RPL27: variants seen among roughly 807,000 people sequenced by gnomAD.
The protein encoded by RPL27 is large ribosomal subunit protein eL27.
For synonymous variants in RPL27, 77 were observed against 61.0 expected (o/e 1.26, Z -1.22); for missense variants, 131 against 174.3 (o/e 0.75, Z 1.40).
chr17:42,998,735 C>G lies in RPL27; in HGVS notation c.-2-14C>G, dbSNP rs770926450. On this transcript the variant is annotated splice_polypyrimidine_tract_variant and intron_variant, in intron 1 of 4. Coordinates refer to ENST00000253788, the MANE Select transcript of RPL27 (RefSeq NM_000988.5). ...ACGGATTTTTAAGTGGCCCTTTCTC[C>G]TTGCTCTCTGCAGAAATGGGCAAGT... 4 of 1,609,534 alleles carry G rather than the reference C, an allele frequency of 2.5e-6. No individual in the cohort carries two copies. Among genetic ancestry groups the G allele is most frequent in the Non-Finnish European group, 3.4e-6 (4 of 1,176,218 alleles).
At chr17:43,000,599 G>A (rs575622622) in intron 3 of RPL27, among the ~76,000 whole-genome samples, 7 of 146,336 alleles carry the variant, frequency 4.8e-5, no homozygotes, top group Non-Finnish European at 1.1e-4. Flanking sequence ...CACCACACCT[G>A]GCTAATTTTT....
At chr17:42,998,679 G>T in intron 1 of RPL27, 70 bp from the exon 2 acceptor site, 1 of 1,215,768 alleles carries the variant, frequency 8.2e-7, no homozygotes, top group Non-Finnish European at 1.2e-6. Context: ...GGGCTTGCTG[G>T]CAGGAGTCAG....
intron 3 of RPL27, among the ~76,000 whole-genome samples, chr17:43,001,674 G>T (rs1328230734): frequency 6.6e-6 from 1 of 151,680 alleles, no homozygotes; most frequent in Non-Finnish European, 1.5e-5. Context: ...TGGGTGCTGG[G>T]ATGTGGTGGG....
At chr17:43,002,546 G>T in intron 3 of RPL27, 127 bp from the exon 4 acceptor site, 1 of 667,888 alleles carries the variant, frequency 1.5e-6, no homozygotes, top group Non-Finnish European at 2.7e-6. Flanking sequence ...ATGTCATCGG[G>T]ACATGGCTTT....
At position 43,000,620 on chromosome 17, in the gene RPL27, A is replaced by G. The variant is rs1472523587; in HGVS notation, c.251+518A>G. On this transcript the variant is annotated intron_variant, in intron 3 of 4. Coordinates refer to ENST00000253788, the MANE Select transcript of RPL27 (RefSeq NM_000988.5). ...ACCTGGCTAATTTTTTTTTTTTTGT[A>G]TTTTTAGTAGAGACGGGGTTTCACC... is the stretch of plus-strand genomic sequence containing the variant. 9.2e-5 allele frequency among the ~76,000 whole-genome samples: 12 copies of G among 129,964 alleles called. No individual in the cohort carries two copies. In the South Asian group the frequency reaches 2.4e-3, roughly 26 times the overall value. The allele number at this position is 129,964 out of a possible 152,430, so 85.3% of individuals were successfully genotyped here. A position where few individuals can be genotyped will look rare whatever the true frequency, so the allele number is the denominator to read the frequency against.
Position 42,998,792 on chromosome 17 carries a change from G to A in RPL27, c.42G>A (p.Leu14=). 1 of 1,614,002 alleles carries A rather than the reference G, an allele frequency of 6.2e-7. No individual in the cohort carries two copies. The highest frequency in any genetic ancestry group is 8.5e-7 in the Non-Finnish European group (1 of 1,179,940). Residue 14 remains leucine (L), a synonymous_variant, in exon 2 of 5, where the codon CTG becomes CTA. Coordinates refer to ENST00000253788, the MANE Select transcript of RPL27 (RefSeq NM_000988.5). ...AACCTGGGAAGGTGGTGCTTGTCCT[G>A]GCTGGACGCTACTCCGGACGCAAAG... ...FMKPGKVVLV[L]AGRYSGRKAV...
chr17:43,001,384 G>T (rs1034135553), intron 3 of RPL27, among the ~76,000 whole-genome samples: 7 of 152,074 alleles, frequency 4.6e-5, no homozygotes, highest in Non-Finnish European at 8.8e-5. Context: ...CCAGCACTTT[G>T]GGAGGCCGAG....
In RPL27 at chr17:43,000,049, A is replaced by G. The variant is rs1011262801; in HGVS notation, c.198A>G (p.Ser66=). The stretch of plus-strand genomic sequence containing the variant: ...GCAAGAAGAAGATCGCCAAGAGATC[A>G]AAGATAAAATCTTTTGTGAAAGTGT... ...AMGKKKIAKR[S]KIKSFVKVYN... Residue 66 remains serine, a synonymous_variant, in exon 3 of 5, where the codon TCA becomes TCG. Transcript: ENST00000253788. 10 of 1,613,110 alleles carry G rather than the reference A, an allele frequency of 6.2e-6. No individual in the cohort carries two copies. In the African/African-American group the frequency reaches 8.0e-5, roughly 13 times the overall value.
intron 3 of RPL27, among the ~76,000 whole-genome samples, chr17:43,000,481 G>GT (rs140114345): frequency 0.77 from 105,627 of 136,660 alleles, 38,565 homozygotes; most frequent in East Asian, 0.86. Flanking sequence ...GTTTTGTTTT[G>GT]TTTTGTTTTT....
chr17:43,002,620 TAG>T, intron 3 of RPL27, 51 bp from the exon 4 acceptor site: 1 of 1,056,432 alleles, frequency 9.5e-7, no homozygotes, highest in South Asian at 1.3e-5. Context: ...TTGGGCTGTA[TAG>T]GGGCCCCGGC....
At chr17:42,998,689 G>T in intron 1 of RPL27, 60 bp from the exon 2 acceptor site, 2 of 1,329,936 alleles carry the variant, frequency 1.5e-6, no homozygotes, top group South Asian at 2.4e-5. Context: ...GCAGGAGTCA[G>T]CTCTGGGCAT....
intron 3 of RPL27, among the ~76,000 whole-genome samples, chr17:43,001,459 C>T (rs546892063): frequency 0.047 from 727 of 15,444 alleles, 21 homozygotes; most frequent in African/African-American, 0.053. Flanking sequence ...AATCTCATCT[C>T]TACTAAAAAA....
chr17:42,999,716 C>T, intron 2 of RPL27: 1 of 533,490 alleles, frequency 1.9e-6, no homozygotes, highest in Non-Finnish European at 3.3e-6. Context: ...TTTTAAATCT[C>T]TTACCTCTAG....
At chr17:42,999,714 C>A in intron 2 of RPL27, 1 of 529,784 alleles carries the variant, frequency 1.9e-6, no homozygotes, top group South Asian at 2.5e-5. Flanking sequence ...ACTTTTAAAT[C>A]TCTTACCTCT....
At chr17:43,001,103 G>T (rs1194017336) in intron 3 of RPL27, among the ~76,000 whole-genome samples, 1 of 152,124 alleles carries the variant, frequency 6.6e-6, no homozygotes, top group African/African-American at 2.4e-5. Flanking sequence ...CAGCACTTTG[G>T]GAGGCCGAGG....
In RPL27 at chr17:42,999,044, G is replaced by T. The variant is rs2050331256; in HGVS notation, c.81+213G>T. On this transcript the variant is annotated intron_variant, in intron 2 of 4. Transcript: ENST00000253788. ...CCAACGCATAAAGCCTTCTCCACCA[G>T]AGGCTTTAAATATATAGTAATAGTG... 1.3e-5 allele frequency: 7 copies of T among 546,962 alleles called. No individual in the cohort carries two copies. In the South Asian group the frequency reaches 1.5e-4, roughly 11 times the overall value. 33.9% of individuals were successfully genotyped at this position (546,962 alleles called of 1,614,324 possible).
At chr17:42,998,524 G>T in intron 1 of RPL27, 53 bp downstream of exon 1, 1 of 442,092 alleles carries the variant, frequency 2.3e-6, no homozygotes, top group South Asian at 2.6e-5. Context: ...CGCGGCTTGG[G>T]GGTCGAAGGT....
At chr17:43,001,595 TG>T (rs1431341093) in intron 3 of RPL27, among the ~76,000 whole-genome samples, 1 of 151,546 alleles carries the variant, frequency 6.6e-6, no homozygotes, top group Non-Finnish European at 1.5e-5. Flanking sequence ...CACTCCAGCC[TG>T]GGTGACAGAG....
intron 3 of RPL27, among the ~76,000 whole-genome samples, chr17:43,002,377 G>T (rs1391095430): frequency 6.6e-6 from 1 of 151,766 alleles, no homozygotes; most frequent in African/African-American, 2.4e-5. Context: ...CCTGATGGCG[G>T]GCACCTGTAG....
Sources: allele counts gnomAD v4.1 joint callset (sites outside exome capture counted in the v4.1 genomes callset), GRCh38; gene constraint gnomAD v4.1.1; transcripts MANE v1.5; gene names NCBI Gene and HGNC (gene_info 2026-07-23, HGNC 2026-07-21).